The following RSPO1 variants were observed in gnomAD, a reference collection of about 807,000 sequenced individuals.
RSPO1 encodes R-spondin 1.
Under a neutral mutation model 26.0 loss-of-function variants are expected in RSPO1, and 18 were observed. The observed-to-expected ratio is 0.69, with a 90% CI of 0.48 to 1.03. RSPO1 has a LOEUF of 1.03. Among genes scored for constraint, RSPO1 ranks in the 50% least tolerant of loss-of-function variants. The pLI, the probability that RSPO1 is intolerant of heterozygous loss-of-function variation, is 0.00. For missense variants in RSPO1, 309 were observed against 352.3 expected, an observed-to-expected ratio of 0.88 and a Z score of 0.98; for synonymous variants, 133 against 137.4, an observed-to-expected ratio of 0.97 and a Z score of 0.22.
chr1:37,625,753 A>C (rs1455253968), intron 3 of RSPO1, among the ~76,000 whole-genome samples: 1 of 150,158 alleles, frequency 6.7e-6, no homozygotes, highest in East Asian at 2.0e-4. Context: ...ATCTCAGTTC[A>C]CTGCAACCTC....
chr1:37,613,004 T>A lies in RSPO1; in HGVS notation c.626-83A>T. On this transcript the variant is annotated intron_variant, in intron 6 of 6. Transcript: ENST00000356545. This position sits in a 1 kb window ranked among gnomAD's most constrained non-coding sequence, Gnocchi z 4.5. Reference sequence around the variant, plus strand: ...ATGGCCACAGGCCCTAGGAGGGGAGTGTGAGGAAGCCGGAAGGGGAGGCAG... The same window carrying A: ...ATGGCCACAGGCCCTAGGAGGGGAGAGTGAGGAAGCCGGAAGGGGAGGCAG... 1 of 1,516,058 alleles carries A rather than the reference T, an allele frequency of 6.6e-7. No homozygotes were observed. Among genetic ancestry groups the A allele is most frequent in the Non-Finnish European group, 9.1e-7 (1 of 1,101,162 alleles). The allele number at this position is 1,516,058 out of a possible 1,614,324, so 93.9% of individuals were successfully genotyped here.
At chr1:37,619,643 C>T (rs1421873551) in intron 3 of RSPO1, among the ~76,000 whole-genome samples, 2 of 152,206 alleles carry the variant, frequency 1.3e-5, no homozygotes, top group Non-Finnish European at 2.9e-5. Flanking sequence ...TGAGCACTTA[C>T]TCTGTGGCAG....
In RSPO1 at chr1:37,629,961, G is replaced by GTTC; in HGVS notation, c.-288-13_-288-12insGAA. ...CTCCAAAAACCAACCTGTCAGGGAA[G>GTTC]GAGAAAGAAGGGTTAATTCTGTAGT... On this transcript the variant is annotated splice_polypyrimidine_tract_variant and intron_variant, in intron 2 of 6. Transcript: ENST00000356545. The GTTC allele has an allele frequency of 1.7e-6, 2 of 1,146,420 alleles. No individual in the cohort carries two copies. The allele number at this position is 1,146,420 out of a possible 1,614,324, so 71.0% of individuals were successfully genotyped here. A position where few individuals can be genotyped will look rare whatever the true frequency, so the allele number is the denominator to read the frequency against.
chr1:37,634,046 C>T lies in RSPO1; in HGVS notation c.-356+520G>A, dbSNP rs1266834860. Among the ~76,000 whole-genome samples, 2 of 152,176 alleles carry T rather than the reference C, an allele frequency of 1.3e-5. No homozygotes were observed. Among genetic ancestry groups the T allele is most frequent in the African/African-American group, 4.8e-5 (2 of 41,446 alleles). On this transcript the variant is annotated intron_variant, in intron 1 of 6. Coordinates refer to ENST00000356545, the MANE Select transcript of RSPO1 (RefSeq NM_001242908.2). The surrounding 1 kb of genome is among the most constrained non-coding windows in gnomAD (Gnocchi z 4.7). ...CCCACCTCTCCCCAACTAAGCGATA[C>T]CATCGGTTCCTGAGCGCCAGACCCC...
intron 2 of RSPO1, 89 bp from the exon 3 acceptor site, chr1:37,630,038 T>C (rs760572173): frequency 1.6e-5 from 11 of 671,766 alleles, no homozygotes; most frequent in Admixed American, 2.5e-5. Context: ...GACTGGGAGC[T>C]CAAAATGTTT....
intron 2 of RSPO1, among the ~76,000 whole-genome samples, chr1:37,630,880 CAGAG>C (rs1644350741): frequency 6.6e-6 from 1 of 152,238 alleles, no homozygotes; most frequent in African/African-American, 2.4e-5. Flanking sequence ...GCCAATAGCA[CAGAG>C]TCTCTGTAGA....
chr1:37,629,593 C>T lies in RSPO1; in HGVS notation c.69G>A (p.Gly23=). 6.2e-7 allele frequency: 1 copy of T among 1,614,148 alleles called. No individual in the cohort carries two copies. Among genetic ancestry groups the T allele is most frequent in the Non-Finnish European group, 8.5e-7 (1 of 1,180,022 alleles). The change falls in exon 3 of 7, where the codon GGG becomes GGA. Residue 23 remains glycine (G), a synonymous_variant. Coordinates refer to ENST00000356545, the MANE Select transcript of RSPO1 (RefSeq NM_001242908.2). ...TCCGCCTCTGCCTTTTCCCCTTGAT[C>T]CCCCGGCTGCTGATGGTGAGGTGCG... is the stretch of plus-strand genomic sequence containing the variant. ...SWTHLTISSR[G]IKGKRQRRIS...
intron 2 of RSPO1, 42 bp from the exon 3 acceptor site, chr1:37,629,991 T>A: frequency 1.1e-6 from 1 of 880,392 alleles, no homozygotes; most frequent in Non-Finnish European, 1.9e-6. Context: ...TGTAGTACCA[T>A]GAACACTCCC....
At position 37,616,654 on chromosome 1, in the gene RSPO1, G is replaced by A. The variant is rs1443493946; in HGVS notation, c.116C>T (p.Ala39Val). The change falls in exon 4 of 7, where the codon GCC becomes GTC. Residue 39 changes from alanine (A) to valine (V), a missense_variant. By Grantham distance (64) the Ala-to-Val change is moderately conservative (BLOSUM62 0). Coordinates refer to ENST00000356545, the MANE Select transcript of RSPO1 (RefSeq NM_001242908.2). ...GCAGAGCTCACAGCCTTTGGCACAG[G>A]CCTGGCTCCCCTCGGCACTGACTGC... ...QRRISAEGSQ[A>V]CAKGCELCSE... is the part of the protein sequence containing the mutation. 1.2e-6 allele frequency: 2 copies of A among 1,614,048 alleles called. No individual in the cohort carries two copies. Among genetic ancestry groups the A allele is most frequent in the South Asian group, 1.1e-5 (1 of 91,086 alleles).
rs1342912524 is a variant in RSPO1, at chr1:37,614,343, G to C, written c.287-10C>G. ...TGCTCGATCTTGCATTCTGAGGAGA[G>C]GACAGATTGGGGGCTTCTGGCCCAG... On this transcript the variant is annotated splice_polypyrimidine_tract_variant and intron_variant, in intron 4 of 6. Coordinates refer to ENST00000356545, the MANE Select transcript of RSPO1 (RefSeq NM_001242908.2). 1.5e-5 allele frequency: 25 copies of C among 1,613,278 alleles called. No individual in the cohort carries two copies. In the Admixed American group the frequency reaches 4.0e-4, roughly 26 times the overall value.
intron 3 of RSPO1, among the ~76,000 whole-genome samples, chr1:37,624,533 G>A (rs1644249711): frequency 6.7e-6 from 1 of 149,404 alleles, no homozygotes; most frequent in South Asian, 2.1e-4. Flanking sequence ...CGCTGAGCTA[G>A]CAGAGCAAGG....
chr1:37,634,076 G>A lies in RSPO1; in HGVS notation c.-356+490C>T, dbSNP rs1276776714. 6.6e-6 allele frequency among the ~76,000 whole-genome samples: 1 copy of A among 152,184 alleles called. No individual in the cohort carries two copies. Among genetic ancestry groups the A allele is most frequent in the African/African-American group, 2.4e-5 (1 of 41,448 alleles). ...GGTTCCTGAGCGCCAGACCCCGAGG[G>A]CCAGGGAGCCGCGCCACTTCGCTGC... is the stretch of plus-strand genomic sequence containing the variant. On this transcript the variant is annotated intron_variant, in intron 1 of 6. Coordinates refer to ENST00000356545, the MANE Select transcript of RSPO1 (RefSeq NM_001242908.2). This position sits in a 1 kb window ranked among gnomAD's most constrained non-coding sequence, Gnocchi z 4.7.
chr1:37,622,675 G>C (rs998515952), intron 3 of RSPO1, among the ~76,000 whole-genome samples: 2 of 152,216 alleles, frequency 1.3e-5, no homozygotes, highest in Admixed American at 1.3e-4. Flanking sequence ...AGAGGTGCCA[G>C]GAATAAGGTT....
chr1:37,615,502 G>T (rs1473339268), intron 4 of RSPO1, among the ~76,000 whole-genome samples: 1 of 152,216 alleles, frequency 6.6e-6, no homozygotes, highest in Non-Finnish European at 1.5e-5. Context: ...GACTGGTCCA[G>T]TCTAGTCTTG....
intron 2 of RSPO1, among the ~76,000 whole-genome samples, chr1:37,631,081 C>T (rs1185409124): frequency 2.6e-5 from 4 of 152,142 alleles, no homozygotes; most frequent in Non-Finnish European, 5.9e-5. Flanking sequence ...GTGCCCCTCC[C>T]ACCCCCTGTC....
chr1:37,617,413 C>T (rs1413265244), intron 3 of RSPO1, among the ~76,000 whole-genome samples: 1 of 152,100 alleles, frequency 6.6e-6, no homozygotes, highest in African/African-American at 2.4e-5. Flanking sequence ...AATCCCAGCA[C>T]TTTGGGAGGC....
intron 4 of RSPO1, 53 bp from the exon 5 acceptor site, chr1:37,614,386 C>G: frequency 6.2e-7 from 1 of 1,606,100 alleles, no homozygotes; most frequent in Non-Finnish European, 8.5e-7. Flanking sequence ...AGAATGTTTC[C>G]CCTCATCCCC....
At chr1:37,630,955 C>A (rs1256572357) in intron 2 of RSPO1, among the ~76,000 whole-genome samples, 1 of 152,178 alleles carries the variant, frequency 6.6e-6, no homozygotes, top group Non-Finnish European at 1.5e-5. Context: ...GTCATGTAGC[C>A]TCACTGAACC....
chr1:37,633,752 C>A (rs777720820), intron 1 of RSPO1, among the ~76,000 whole-genome samples: 57 of 152,128 alleles, frequency 3.7e-4, no homozygotes, highest in Non-Finnish European at 6.9e-4. Flanking sequence ...CCGTGCCCCC[C>A]CTCCAAAAGC....
Sources: allele counts gnomAD v4.1 joint callset (sites outside exome capture counted in the v4.1 genomes callset), GRCh38; gene constraint gnomAD v4.1.1; non-coding constraint Gnocchi (gnomAD v3.1); transcripts MANE v1.5; gene names NCBI Gene and HGNC (gene_info 2026-07-23, HGNC 2026-07-21).